The following OPCML variants were observed in gnomAD, a reference collection of about 807,000 sequenced individuals.
The protein encoded by OPCML is opioid binding protein/cell adhesion molecule like, also known as opioid-binding protein/cell adhesion molecule.
OPCML carries 13 observed loss-of-function variants against 37.8 expected under a neutral mutation model. The ratio of observed to expected loss-of-function variants is 0.34; its 90% CI spans 0.22 to 0.55. The LOEUF is 0.55. Ranked by LOEUF, OPCML falls within the 20% of genes least tolerant of loss-of-function variation. The pLI is 0.91. For missense variants in OPCML, 341 were observed against 435.6 expected (o/e 0.78, Z 1.93); for synonymous variants, 176 against 168.8 (o/e 1.04, Z -0.33).
rs1412200038 is a variant in OPCML, at chr11:132,816,744, G to A, written c.146+126182C>T. 6.6e-5 allele frequency among the ~76,000 whole-genome samples: 10 copies of A among 152,306 alleles called. No individual in the cohort carries two copies. The East Asian group carries it at 1.9e-3, about 29-fold the overall frequency. On this transcript the variant is annotated intron_variant, in intron 2 of 7. Coordinates refer to ENST00000524381, the MANE Select transcript of OPCML (RefSeq NM_001012393.5). ...GACTCAAATACAACACAGATGTGTAGCCTGCTTCTCTTGTTCATTTTAGGA... is the reference window on the plus strand; with the variant it reads ...GACTCAAATACAACACAGATGTGTAACCTGCTTCTCTTGTTCATTTTAGGA...
intron 2 of OPCML, among the ~76,000 whole-genome samples, chr11:132,739,579 A>G (rs1945372596): frequency 6.6e-6 from 1 of 152,184 alleles, no homozygotes; most frequent in Non-Finnish European, 1.5e-5. Flanking sequence ...CAACCTAATA[A>G]TTATCTCCTG....
rs77538056 is a variant in OPCML, at chr11:132,599,444, G to C, written c.379+57643C>G. On this transcript the variant is annotated intron_variant, in intron 3 of 7. Coordinates refer to ENST00000524381, the MANE Select transcript of OPCML (RefSeq NM_001012393.5). ...GAGGAAGAAGGTGGAGGAGAAGGAA[G>C]GAGGAGGAAGAGGAGGAGGAGGAGG... 0.011 allele frequency among the ~76,000 whole-genome samples: 1,726 copies of C among 151,670 alleles called. 120 individuals carry two copies. The East Asian group carries it at 0.2, about 18-fold the overall frequency.
At chr11:133,138,259 G>A (rs1042068029) in intron 1 of OPCML, among the ~76,000 whole-genome samples, 1 of 152,194 alleles carries the variant, frequency 6.6e-6, no homozygotes, top group Non-Finnish European at 1.5e-5. Flanking sequence ...AAGCCAAACA[G>A]ATGCCAGTGC....
At chr11:132,860,363 C>T (rs139624851) in intron 2 of OPCML, 11 of 152,294 alleles carry the variant, frequency 7.2e-5, no homozygotes, top group Admixed American at 3.3e-4. Flanking sequence ...ATTCATATCC[C>T]GCTTGCCTTA....
At chr11:133,313,585 G>A (rs570180153) in intron 1 of OPCML, among the ~76,000 whole-genome samples, 6 of 152,228 alleles carry the variant, frequency 3.9e-5, no homozygotes, top group African/African-American at 1.4e-4. Context: ...TCCAGGCTGT[G>A]GTCAAGAAAG....
chr11:133,005,062 T>C (rs1947080503), intron 1 of OPCML: 1 of 985,270 alleles, frequency 1.0e-6, no homozygotes, highest in African/African-American at 1.7e-5. Context: ...CTTTCATGAA[T>C]GCCACACCCT....
rs1565469375 is a variant in OPCML at position 133,141,095 on chromosome 11, G to GAAGAAGAAGAAGAAGAAGAAGA, written c.62-198086_62-198085insTCTTCTTCTTCTTCTTCTTCTT. The stretch of plus-strand genomic sequence containing the variant: ...GAAGAAGAAGAAGAAGAAGAAGAAG[G>GAAGAAGAAGAAGAAGAAGAAGA]AGAAGAAGAAGCAGCTGAATGCCAA... On this transcript the variant is annotated intron_variant, in intron 1 of 7. Coordinates refer to ENST00000524381, the MANE Select transcript of OPCML (RefSeq NM_001012393.5). 5.4e-3 allele frequency among the ~76,000 whole-genome samples: 70 copies of GAAGAAGAAGAAGAAGAAGAAGA among 12,936 alleles called. 30 individuals carry two copies. Among genetic ancestry groups the GAAGAAGAAGAAGAAGAAGAAGA allele is most frequent in the Admixed American group, 9.1e-3 (6 of 656 alleles). The allele number at this position is 12,936 out of a possible 152,430, so 8.5% of individuals were successfully genotyped here. A position where few individuals can be genotyped will look rare whatever the true frequency, so the allele number is the denominator to read the frequency against.
At chr11:132,676,717 C>T (rs1371574505) in intron 2 of OPCML, among the ~76,000 whole-genome samples, 2 of 146,200 alleles carry the variant, frequency 1.4e-5, no homozygotes, top group Admixed American at 6.9e-5. Context: ...TACATAAAGC[C>T]TTAATAAAAT....
intron 1 of OPCML, among the ~76,000 whole-genome samples, chr11:133,078,147 C>T (rs1948651756): frequency 6.6e-6 from 1 of 151,954 alleles, no homozygotes; most frequent in Non-Finnish European, 1.5e-5. Context: ...AGAAGGGGAC[C>T]GGACAGACAT....
At chr11:133,092,674 C>T (rs1344384234) in intron 1 of OPCML, among the ~76,000 whole-genome samples, 2 of 152,010 alleles carry the variant, frequency 1.3e-5, no homozygotes, top group African/African-American at 4.8e-5. Context: ...TGCAGTGAGC[C>T]GAGATCACCC....
chr11:133,113,409 G>C (rs775915613), intron 1 of OPCML, among the ~76,000 whole-genome samples: 19 of 152,150 alleles, frequency 1.2e-4, no homozygotes, highest in Non-Finnish European at 1.3e-4. Flanking sequence ...TGAGAAAAAG[G>C]GAGAAGAACA....
At chr11:132,514,199 G>T (rs1383654701) in intron 4 of OPCML, among the ~76,000 whole-genome samples, 1 of 152,146 alleles carries the variant, frequency 6.6e-6, no homozygotes, top group Non-Finnish European at 1.5e-5. Flanking sequence ...TTTAAAGGAT[G>T]ATTTTGGTGA....
At chr11:133,024,718 A>AT (rs1369446511) in intron 1 of OPCML, 1 of 898,840 alleles carries the variant, frequency 1.1e-6, no homozygotes, top group African/African-American at 1.8e-5. Flanking sequence ...TAACGTATGC[A>AT]TCTTTGCCAG....
intron 1 of OPCML, among the ~76,000 whole-genome samples, chr11:133,476,013 T>C (rs1479813424): frequency 6.6e-6 from 1 of 152,134 alleles, no homozygotes; most frequent in African/African-American, 2.4e-5. Context: ...AAGGACAAAA[T>C]GGCTTCAAAA....
chr11:132,424,001 A>T (rs652279), intron 7 of OPCML, among the ~76,000 whole-genome samples: 1 of 152,314 alleles, frequency 6.6e-6, no homozygotes, highest in South Asian at 2.1e-4. Flanking sequence ...CTTGGTACCC[A>T]AGATGATACA....
chr11:132,544,003 TA>T (rs2096363280), intron 3 of OPCML, among the ~76,000 whole-genome samples: 1 of 152,166 alleles, frequency 6.6e-6, no homozygotes, highest in Non-Finnish European at 1.5e-5. Flanking sequence ...ATATTGCTGA[TA>T]AAAACATGAT....
intron 1 of OPCML, among the ~76,000 whole-genome samples, chr11:133,358,847 C>G (rs745476143): frequency 2.6e-5 from 4 of 152,114 alleles, no homozygotes; most frequent in Non-Finnish European, 4.4e-5. Flanking sequence ...GTGTTCCCCC[C>G]ACCCCCGACC....
intron 1 of OPCML, among the ~76,000 whole-genome samples, chr11:133,051,789 C>A (rs888149401): frequency 4.6e-5 from 7 of 152,218 alleles, no homozygotes; most frequent in Non-Finnish European, 4.4e-5. Flanking sequence ...CATTTCAAAT[C>A]CTGTACAAGG....
rs148466804 is a variant in OPCML at position 132,829,226 on chromosome 11, C to T, written c.146+113700G>A. Among the ~76,000 whole-genome samples, 429 of 152,268 alleles carry T rather than the reference C, an allele frequency of 2.8e-3. 3 individuals are homozygous for T. The highest frequency in any genetic ancestry group is 9.8e-3 in the African/African-American group (409 of 41,558). The stretch of plus-strand genomic sequence containing the variant: ...GACCAAATTAACCCCAAATGCTGAT[C>T]GTACTGTGCTAACTCAAACGGAAAC... On this transcript the variant is annotated intron_variant, in intron 2 of 7. Coordinates refer to ENST00000524381, the MANE Select transcript of OPCML (RefSeq NM_001012393.5).
Sources: allele counts gnomAD v4.1 joint callset (sites outside exome capture counted in the v4.1 genomes callset), GRCh38; gene constraint gnomAD v4.1.1; transcripts MANE v1.5; gene names NCBI Gene and HGNC (gene_info 2026-07-23, HGNC 2026-07-21).